The following CDKAL1 variants were observed in gnomAD, a reference collection of about 807,000 sequenced individuals.
CDKAL1 encodes threonylcarbamoyladenosine tRNA methylthiotransferase.
A neutral mutation model predicts 68.2 loss-of-function variants in CDKAL1; 32 were observed. That is an observed-to-expected ratio of 0.47 (90% CI 0.35 to 0.63). The LOEUF (loss-of-function observed/expected upper bound fraction) is 0.63. Ranked by LOEUF, CDKAL1 falls within the 30% of genes least tolerant of loss-of-function variation. The pLI is 0.00. For missense variants in CDKAL1, 606 were observed against 696.7 expected, an observed-to-expected ratio of 0.87 and a Z score of 1.47; for synonymous variants, 234 against 244.3, an observed-to-expected ratio of 0.96 and a Z score of 0.39.
chr6:20,991,230 C>G (rs1322412977), intron 10 of CDKAL1, among the ~76,000 whole-genome samples: 2 of 152,108 alleles, frequency 1.3e-5, no homozygotes, highest in Non-Finnish European at 2.9e-5. Context: ...TAGTTAAATT[C>G]ATGGAGACAG....
At chr6:20,959,128 T>C (rs1764925895) in intron 10 of CDKAL1, among the ~76,000 whole-genome samples, 1 of 152,170 alleles carries the variant, frequency 6.6e-6, no homozygotes, top group Non-Finnish European at 1.5e-5. Context: ...TGAATACATG[T>C]GTACTGAATA....
In CDKAL1 at chr6:21,205,925, C is replaced by A. The variant is rs375324609; in HGVS notation, c.1548+4651C>A. Among the ~76,000 whole-genome samples the A allele has an allele frequency of 7.3e-5, 11 of 150,110 alleles. No individual in the cohort carries two copies. The East Asian group carries it at 2.2e-3, about 30-fold the overall frequency. On this transcript the variant is annotated intron_variant, in intron 15 of 15. Coordinates refer to ENST00000274695, the MANE Select transcript of CDKAL1 (RefSeq NM_017774.3). ...TCTTGGCTCACCACAAGCTCCGCCT[C>A]CCGGGTTCACGCCATTCTCCTGCCT... is the stretch of plus-strand genomic sequence containing the variant.
At chr6:21,086,426 A>G (rs1013293015) in intron 12 of CDKAL1, among the ~76,000 whole-genome samples, 1 of 152,224 alleles carries the variant, frequency 6.6e-6, no homozygotes, top group Non-Finnish European at 1.5e-5. Flanking sequence ...AAATTCTTTT[A>G]ACTGGCGCTA....
intron 15 of CDKAL1, among the ~76,000 whole-genome samples, chr6:21,206,495 T>C (rs1274908008): frequency 6.6e-6 from 1 of 152,244 alleles, no homozygotes; most frequent in African/African-American, 2.4e-5. Flanking sequence ...TTTCTAAGAT[T>C]GATTCTTAAG....
At chr6:20,597,572 G>A (rs1239921170) in intron 4 of CDKAL1, among the ~76,000 whole-genome samples, 1 of 151,968 alleles carries the variant, frequency 6.6e-6, no homozygotes, top group Non-Finnish European at 1.5e-5. Flanking sequence ...GCACCACCAT[G>A]CCCGGCCAGT....
chr6:20,784,497 C>A (rs567280370), intron 8 of CDKAL1, among the ~76,000 whole-genome samples: 1 of 123,734 alleles, frequency 8.1e-6, no homozygotes, highest in Non-Finnish European at 1.6e-5. Flanking sequence ...CATCTCGGCT[C>A]ACTGCAACCT....
At chr6:20,812,890 A>G (rs777872999) in intron 8 of CDKAL1, among the ~76,000 whole-genome samples, 3 of 152,090 alleles carry the variant, frequency 2.0e-5, no homozygotes, top group Non-Finnish European at 4.4e-5. Context: ...CCATTTTTCT[A>G]GGGTGTGGTA....
At chr6:20,591,139 A>G (rs1016536040) in intron 4 of CDKAL1, among the ~76,000 whole-genome samples, 3 of 152,070 alleles carry the variant, frequency 2.0e-5, no homozygotes, top group African/African-American at 7.2e-5. Context: ...ATGTTTGTTG[A>G]CCACATAAAT....
chr6:20,733,952 C>T (rs866291994), intron 5 of CDKAL1, among the ~76,000 whole-genome samples: 20 of 151,742 alleles, frequency 1.3e-4, no homozygotes, highest in African/African-American at 4.6e-4. Context: ...AGTTTGAGAC[C>T]AGGCTGGCCA....
At chr6:21,003,317 C>A (rs1767528327) in intron 11 of CDKAL1, among the ~76,000 whole-genome samples, 1 of 123,150 alleles carries the variant, frequency 8.1e-6, no homozygotes, top group African/African-American at 3.2e-5. Flanking sequence ...ACCAGCCTGG[C>A]CAACATGGTG....
chr6:20,640,568 A>G (rs1266925638), intron 4 of CDKAL1, among the ~76,000 whole-genome samples: 1 of 152,200 alleles, frequency 6.6e-6, no homozygotes, highest in East Asian at 1.9e-4. Flanking sequence ...CATGTTCAAG[A>G]TCTTAGAAAT....
chr6:20,606,585 G>C (rs1050002064), intron 4 of CDKAL1, among the ~76,000 whole-genome samples: 9 of 152,172 alleles, frequency 5.9e-5, no homozygotes, highest in African/African-American at 2.2e-4. Flanking sequence ...AGTAGCTTTT[G>C]AAGCACAGTA....
chr6:20,722,428 T>C (rs1261160975), intron 5 of CDKAL1: 1 of 265,898 alleles, frequency 3.8e-6, no homozygotes, highest in South Asian at 4.7e-5. Context: ...GCAACTGGGC[T>C]CAAAGCACTG....
intron 4 of CDKAL1, among the ~76,000 whole-genome samples, chr6:20,641,721 G>A (rs193236667): frequency 6.6e-6 from 1 of 152,222 alleles, no homozygotes; most frequent in East Asian, 1.9e-4. Flanking sequence ...CTGCAGTCCC[G>A]TAATTTATTT....
chr6:20,986,106 T>G (rs764772598), intron 10 of CDKAL1, among the ~76,000 whole-genome samples: 1 of 152,178 alleles, frequency 6.6e-6, no homozygotes, highest in Non-Finnish European at 1.5e-5. Context: ...TCTCCTGTTA[T>G]GCTAATGTGG....
At chr6:20,829,331 G>A (rs1462127089) in intron 8 of CDKAL1, among the ~76,000 whole-genome samples, 1 of 152,126 alleles carries the variant, frequency 6.6e-6, no homozygotes, top group African/African-American at 2.4e-5. Context: ...GTGGAATTTT[G>A]TGTTGTTTAT....
intron 12 of CDKAL1, among the ~76,000 whole-genome samples, chr6:21,073,810 C>T (rs1395607063): frequency 6.6e-6 from 1 of 151,982 alleles, no homozygotes; most frequent in African/African-American, 2.4e-5. Flanking sequence ...TTTTCTCATT[C>T]GTTTGAAACA....
chr6:20,979,995 C>G (rs889910043), intron 10 of CDKAL1, among the ~76,000 whole-genome samples: 1 of 151,906 alleles, frequency 6.6e-6, no homozygotes. Flanking sequence ...TGATCTCAAA[C>G]TCCTGACCTC....
intron 12 of CDKAL1, among the ~76,000 whole-genome samples, chr6:21,089,563 G>A (rs1772888959): frequency 9.6e-6 from 1 of 104,650 alleles, no homozygotes; most frequent in East Asian, 2.7e-4. Flanking sequence ...GGATTGGCCA[G>A]CAAAGCTCTC....
Sources: allele counts gnomAD v4.1 joint callset (sites outside exome capture counted in the v4.1 genomes callset), GRCh38; gene constraint gnomAD v4.1.1; transcripts MANE v1.5; gene names NCBI Gene and HGNC (gene_info 2026-07-23, HGNC 2026-07-21).